Variants in FANCL observed in about 807,000 individuals in gnomAD.
FANCL encodes the protein FA complementation group L, also known as E3 ubiquitin-protein ligase FANCL.
In FANCL, 69 loss-of-function variants were observed where a neutral mutation model predicts 59.4. The ratio of observed to expected loss-of-function variants is 1.16; its 90% confidence interval spans 0.96 to 1.42. The LOEUF (loss-of-function observed/expected upper bound fraction) is 1.42. Among genes scored for constraint, FANCL ranks in the 40% most tolerant of loss-of-function variants. The pLI, the probability that FANCL is intolerant of heterozygous loss-of-function variation, is 0.00. For synonymous variants in FANCL, 180 were observed against 147.1 expected (o/e 1.22, Z -1.62); for missense variants, 519 against 447.2 (o/e 1.16, Z -1.45).
intron 7 of FANCL, among the ~76,000 whole-genome samples, chr2:58,194,684 T>A (rs967544145): frequency 4.6e-5 from 7 of 152,026 alleles, no homozygotes; most frequent in African/African-American, 9.7e-5. Context: ...GATCATGCTG[T>A]GAGACACCTG....
chr2:58,199,061 T>C (rs918778003), intron 6 of FANCL, among the ~76,000 whole-genome samples: 35 of 151,572 alleles, frequency 2.3e-4, no homozygotes, highest in African/African-American at 8.0e-4. Context: ...ACGAGATATA[T>C]TGGGGGAAAA....
chr2:58,216,843 C>T (rs1193349805), intron 5 of FANCL, among the ~76,000 whole-genome samples: 1 of 151,810 alleles, frequency 6.6e-6, no homozygotes, highest in Non-Finnish European at 1.5e-5. Context: ...GGTTGGAATC[C>T]AAGCACGGGG....
At chr2:58,219,348 G>A (rs1449119512) in intron 5 of FANCL, among the ~76,000 whole-genome samples, 2 of 151,044 alleles carry the variant, frequency 1.3e-5, no homozygotes, top group Non-Finnish European at 3.0e-5. Context: ...TGAGTCCATA[G>A]TATTTCAAAT....
At chr2:58,220,600 TTTAG>T (rs1230342568) in intron 5 of FANCL, among the ~76,000 whole-genome samples, 2 of 152,360 alleles carry the variant, frequency 1.3e-5, no homozygotes, top group African/African-American at 4.8e-5. Flanking sequence ...TTAGTTTTTC[TTTAG>T]TTATCAGGTA....
rs1444165950 is a variant in FANCL at position 58,169,458 on chromosome 2, C to T, written c.541-3584G>A. On this transcript the variant is annotated intron_variant, in intron 7 of 13. Coordinates refer to ENST00000233741, the MANE Select transcript of FANCL (RefSeq NM_018062.4). Reference sequence around the variant, plus strand: ...CCACGACGATGAGGAAAAACTCGCACAAAAAGGAGGAAAATTCCAAAAACC... The same window carrying T: ...CCACGACGATGAGGAAAAACTCGCATAAAAAGGAGGAAAATTCCAAAAACC... 2.0e-5 allele frequency among the ~76,000 whole-genome samples: 3 copies of T among 152,064 alleles called. No individual in the cohort carries two copies. The South Asian group carries it at 6.2e-4, about 32-fold the overall frequency.
Position 58,184,688 on chromosome 2 carries a change from A to C in FANCL, c.540+13906T>G, listed in dbSNP as rs181430705. Among the ~76,000 whole-genome samples, 15 of 152,212 alleles carry C rather than the reference A, an allele frequency of 9.9e-5. No individual in the cohort carries two copies. In the East Asian group the frequency reaches 2.7e-3, roughly 27 times the overall value. On this transcript the variant is annotated intron_variant, in intron 7 of 13. Coordinates refer to ENST00000233741, the MANE Select transcript of FANCL (RefSeq NM_018062.4). Reference sequence around the variant, plus strand: ...CATACATAAGGCTGCATGCCCCAAAAGCAATAAACTGTCTTATAGGAAGAA... The same window carrying C: ...CATACATAAGGCTGCATGCCCCAAACGCAATAAACTGTCTTATAGGAAGAA...
At chr2:58,212,173 C>A (rs570046360) in intron 5 of FANCL, among the ~76,000 whole-genome samples, 1 of 152,170 alleles carries the variant, frequency 6.6e-6, no homozygotes, top group African/African-American at 2.4e-5. Context: ...GGAAGCCTCA[C>A]AATCATGGTG....
intron 6 of FANCL, among the ~76,000 whole-genome samples, chr2:58,201,812 T>C (rs1690050909): frequency 6.6e-6 from 1 of 152,000 alleles, no homozygotes; most frequent in Non-Finnish European, 1.5e-5. Context: ...TGTGAGTTTC[T>C]TGGAGATCGT....
intron 7 of FANCL, among the ~76,000 whole-genome samples, chr2:58,176,091 C>G (rs1042210692): frequency 8.7e-4 from 131 of 151,350 alleles, no homozygotes; most frequent in African/African-American, 3.0e-3. Context: ...AGGACCTCTT[C>G]AAGGAGAACT....
Position 58,160,154 on chromosome 2 carries a change from C to G in FANCL, c.1046G>C (p.Arg349Thr). The change falls in exon 13 of 14, where the codon AGA becomes ACA. Residue 349 changes from arginine to threonine, a missense_variant. Arg to Thr is a moderately conservative substitution (Grantham distance 71). Transcript: ENST00000233741. ...ACCAAATATGATGTTAAAACTCTGT[C>G]TACTAGTTAGTAGTCCTCTCAGCCA... ...YEWLRGLLTS[R>T]QSFNIIFGEC... 1 of 1,612,900 alleles carries G rather than the reference C, an allele frequency of 6.2e-7. No individual in the cohort carries two copies.
At chr2:58,180,816 G>T (rs1419892119) in intron 7 of FANCL, among the ~76,000 whole-genome samples, 1 of 151,914 alleles carries the variant, frequency 6.6e-6, no homozygotes, top group Non-Finnish European at 1.5e-5. Context: ...TTTTTTGTGT[G>T]TGTGTGCCCA....
intron 7 of FANCL, among the ~76,000 whole-genome samples, chr2:58,169,140 A>G (rs1573545602): frequency 6.6e-6 from 1 of 152,122 alleles, no homozygotes; most frequent in Admixed American, 6.5e-5. Context: ...TCAAAAGACA[A>G]CTCATACAGG....
Position 58,159,694 on chromosome 2 carries a change from A to C in FANCL, c.*71T>G. 1 of 1,612,416 alleles carries C rather than the reference A, an allele frequency of 6.2e-7. No individual in the cohort carries two copies. Among genetic ancestry groups the C allele is most frequent in the Non-Finnish European group, 8.5e-7 (1 of 1,179,406 alleles). ...ATTTCTTGCTTTATTTTTTCTCTGA[A>C]GATGATACCAAAATTCCTTTTGATA... On this transcript the variant is annotated 3_prime_UTR_variant, in exon 14 of 14. Coordinates refer to ENST00000233741, the MANE Select transcript of FANCL (RefSeq NM_018062.4).
At chr2:58,219,771 T>C (rs1219107937) in intron 5 of FANCL, among the ~76,000 whole-genome samples, 1 of 152,130 alleles carries the variant, frequency 6.6e-6, no homozygotes, top group Non-Finnish European at 1.5e-5. Context: ...GAGAACATAG[T>C]CAATTACATA....
At chr2:58,170,959 C>A (rs1363725557) in intron 7 of FANCL, among the ~76,000 whole-genome samples, 1 of 152,120 alleles carries the variant, frequency 6.6e-6, no homozygotes, top group East Asian at 1.9e-4. Context: ...CAATATTAGA[C>A]AGATCAACGA....
intron 5 of FANCL, among the ~76,000 whole-genome samples, chr2:58,214,934 G>A (rs780794056): frequency 1.3e-5 from 2 of 152,046 alleles, no homozygotes; most frequent in Non-Finnish European, 1.5e-5. Flanking sequence ...CATCCTTAAC[G>A]CTTCAACTGA....
At position 58,159,750 on chromosome 2, in the gene FANCL, T is replaced by C. The variant is rs369752377; in HGVS notation, c.*15A>G. ...TTAAGTTTCCAGCTCTTCACCGAAATGTTGTATTCTTATTTCAGTGTTTCC... is the reference window on the plus strand; with the variant it reads ...TTAAGTTTCCAGCTCTTCACCGAAACGTTGTATTCTTATTTCAGTGTTTCC... On this transcript the variant is annotated 3_prime_UTR_variant, in exon 14 of 14. Coordinates refer to ENST00000233741, the MANE Select transcript of FANCL (RefSeq NM_018062.4). 5.0e-5 allele frequency: 81 copies of C among 1,613,010 alleles called. 1 individual carries two copies. The African/African-American group carries it at 9.2e-4, about 18-fold the overall frequency.
intron 9 of FANCL, 173 bp downstream of exon 9, chr2:58,163,261 C>T (rs780447628): frequency 1.3e-4 from 98 of 729,234 alleles, no homozygotes; most frequent in Non-Finnish European, 2.0e-4. Flanking sequence ...ATCATTATTG[C>T]GGTGAACCGA....
rs1693041325 is a variant in FANCL, at chr2:58,226,722, T to C, written c.273+6A>G. On this transcript the variant is annotated splice_donor_region_variant and intron_variant, in intron 4 of 13. Coordinates refer to ENST00000233741, the MANE Select transcript of FANCL (RefSeq NM_018062.4). ...TAACAGTGTCAGAAAAAAAAAAAAT[T>C]CTTACCAAAAGCATCTTCAACTCCA... 1.2e-6 allele frequency: 2 copies of C among 1,610,632 alleles called. No individual in the cohort carries two copies. Among genetic ancestry groups the C allele is most frequent in the Non-Finnish European group, 1.7e-6 (2 of 1,177,652 alleles).
Sources: allele counts gnomAD v4.1 joint callset (sites outside exome capture counted in the v4.1 genomes callset), GRCh38; gene constraint gnomAD v4.1.1; transcripts MANE v1.5; gene names NCBI Gene and HGNC (gene_info 2026-07-23, HGNC 2026-07-21).